Variants in GPHN observed in about 807,000 individuals in gnomAD.
GPHN encodes gephyrin.
Under a neutral mutation model 95.5 loss-of-function variants are expected in GPHN, and 17 were observed. The ratio of observed to expected loss-of-function variants is 0.18; its 90% confidence interval spans 0.12 to 0.27. The LOEUF is 0.27. Among genes scored for constraint, GPHN ranks in the 10% least tolerant of loss-of-function variants. GPHN has a pLI of 1.00. For synonymous variants in GPHN, 320 were observed against 322.5 expected (o/e 0.99, Z 0.08); for missense variants, 660 against 978.1 (o/e 0.67, Z 4.34).
the GPHN span, chr14:67,397,648 G>A: frequency 9.4e-6 from 15 of 1,602,816 alleles, no homozygotes; most frequent in South Asian, 1.6e-4. Context: ...TGGACAGCAG[G>A]GGCCATCACT....
At chr14:67,518,025 A>C in the GPHN span, among the ~76,000 whole-genome samples, 2 of 152,206 alleles carry the variant, frequency 1.3e-5, no homozygotes, top group Non-Finnish European at 2.9e-5. Flanking sequence ...AAGAATGCTG[A>C]AACTTACATA....
chr14:66,804,899 GCT>G (rs1312823532), intron 3 of GPHN, among the ~76,000 whole-genome samples: 1 of 152,072 alleles, frequency 6.6e-6, no homozygotes, highest in African/African-American at 2.4e-5. Flanking sequence ...ACTGATTATT[GCT>G]AGGATTAAAT....
At chr14:66,973,557 A>C (rs2069970257) in intron 9 of GPHN, among the ~76,000 whole-genome samples, 2 of 152,210 alleles carry the variant, frequency 1.3e-5, no homozygotes, top group Non-Finnish European at 2.9e-5. Context: ...TCAGGATTTA[A>C]GACCAGCTTG....
chr14:67,680,345 C>T, the GPHN span, among the ~76,000 whole-genome samples: 1 of 152,326 alleles, frequency 6.6e-6, no homozygotes. Flanking sequence ...TTGTAAGCCT[C>T]TGCATCCTCC....
the GPHN span, chr14:67,359,715 C>T: frequency 2.5e-6 from 4 of 1,613,972 alleles, no homozygotes; most frequent in Non-Finnish European, 3.4e-6. Context: ...GATAACTTTT[C>T]GGCTCGGGTC....
intron 12 of GPHN, among the ~76,000 whole-genome samples, chr14:67,090,062 T>C (rs2077084994): frequency 6.6e-6 from 1 of 152,142 alleles, no homozygotes; most frequent in African/African-American, 2.4e-5. Context: ...TCTACTCTCT[T>C]AGTGATTTTC....
the GPHN span, among the ~76,000 whole-genome samples, chr14:67,701,156 G>A: frequency 6.6e-6 from 1 of 151,720 alleles, no homozygotes; most frequent in Non-Finnish European, 1.5e-5. Flanking sequence ...AACGATTCAT[G>A]ACTTGGGAAT....
chr14:67,124,749 T>A (rs188984609), intron 17 of GPHN, among the ~76,000 whole-genome samples: 1 of 152,300 alleles, frequency 6.6e-6, no homozygotes, highest in East Asian at 1.9e-4. Context: ...AGGGAGCTTT[T>A]AAATTGTTTT....
intron 2 of GPHN, among the ~76,000 whole-genome samples, chr14:66,705,244 G>A (rs1361144582): frequency 3.3e-5 from 5 of 152,242 alleles, no homozygotes; most frequent in African/African-American, 1.2e-4. Context: ...GTACAAAGAG[G>A]AGATGGTACC....
the GPHN span, among the ~76,000 whole-genome samples, chr14:67,229,673 A>G: frequency 1.1e-4 from 17 of 152,218 alleles, no homozygotes; most frequent in African/African-American, 4.1e-4. Flanking sequence ...AATGTAAAAT[A>G]TTTAATGTGT....
intron 1 of GPHN, among the ~76,000 whole-genome samples, chr14:66,638,151 A>G (rs1020406461): frequency 5.3e-5 from 8 of 152,020 alleles, no homozygotes; most frequent in Non-Finnish European, 1.2e-4. Flanking sequence ...GAATTATTTC[A>G]TCATTACTTA....
intron 1 of GPHN, among the ~76,000 whole-genome samples, chr14:66,592,319 A>G (rs9803372): frequency 1.3e-5 from 2 of 152,160 alleles, no homozygotes; most frequent in African/African-American, 4.8e-5. Context: ...TAATTAAAGT[A>G]AAGAGCTTCT....
chr14:67,597,181 T>C, the GPHN span, among the ~76,000 whole-genome samples: 1 of 152,242 alleles, frequency 6.6e-6, no homozygotes, highest in African/African-American at 2.4e-5. Context: ...TCTAGTCTTT[T>C]AATGAAAATG....
the GPHN span, among the ~76,000 whole-genome samples, chr14:67,237,039 A>C: frequency 6.6e-6 from 1 of 152,018 alleles, no homozygotes; most frequent in South Asian, 2.1e-4. Flanking sequence ...GCAGTGAGCC[A>C]AGATCACACC....
At chr14:67,079,011 A>C (rs1201300728) in intron 11 of GPHN, among the ~76,000 whole-genome samples, 1 of 152,128 alleles carries the variant, frequency 6.6e-6, no homozygotes, top group Admixed American at 6.6e-5. Flanking sequence ...TACCTTAAAT[A>C]TAGCAACCAC....
chr14:67,589,605 G>A, the GPHN span: 1 of 986,122 alleles, frequency 1.0e-6, no homozygotes, highest in Non-Finnish European at 1.2e-6. Flanking sequence ...ACAGGCACTA[G>A]GTTGACAGAC....
intron 1 of GPHN, among the ~76,000 whole-genome samples, chr14:66,679,794 G>T (rs1940677081): frequency 2.0e-5 from 3 of 152,090 alleles, no homozygotes; most frequent in Admixed American, 2.0e-4. Flanking sequence ...TTTTAAAATA[G>T]ATTTTCATTC....
At chr14:66,976,875 A>C (rs991031174) in intron 9 of GPHN, among the ~76,000 whole-genome samples, 2 of 140,118 alleles carry the variant, frequency 1.4e-5, no homozygotes, top group African/African-American at 5.3e-5. Flanking sequence ...AGGTAAGCAT[A>C]GTCATTTAAT....
intron 9 of GPHN, among the ~76,000 whole-genome samples, chr14:66,980,252 A>T (rs749445043): frequency 6.6e-6 from 1 of 152,238 alleles, no homozygotes; most frequent in South Asian, 2.1e-4. Context: ...AAAAAATGCA[A>T]TTATCCATGA....
Sources: allele counts gnomAD v4.1 joint callset (sites outside exome capture counted in the v4.1 genomes callset), GRCh38; gene constraint gnomAD v4.1.1; transcripts MANE v1.5; gene names NCBI Gene and HGNC (gene_info 2026-07-23, HGNC 2026-07-21).